Variants in ASPH observed in about 807,000 individuals in gnomAD.
The protein encoded by ASPH is aspartyl/asparaginyl beta-hydroxylase.
A neutral mutation model predicts 118.4 loss-of-function variants in ASPH; 100 were observed. That is an observed-to-expected ratio of 0.84 (90% CI 0.72 to 1.00). ASPH has a LOEUF of 1.00. Ranked by LOEUF, ASPH falls within the 50% of genes least tolerant of loss-of-function variation. The pLI is 0.00. For synonymous variants in ASPH, 315 were observed against 325.6 expected (o/e 0.97, Z 0.35); for missense variants, 920 against 919.5 (o/e 1.00, Z -0.01).
chr8:61,507,047 T>C (rs1806871618), intron 24 of ASPH, among the ~76,000 whole-genome samples: 3 of 152,192 alleles, frequency 2.0e-5, no homozygotes, highest in Admixed American at 2.0e-4. Context: ...CAAAATGACA[T>C]TTTTCACTAG....
At chr8:61,558,076 T>A (rs1488008444) in intron 18 of ASPH, among the ~76,000 whole-genome samples, 1 of 152,240 alleles carries the variant, frequency 6.6e-6, no homozygotes, top group African/African-American at 2.4e-5. Flanking sequence ...AGATATACTC[T>A]CTTTTCTCAG....
chr8:61,505,527 G>A (rs1004906497), intron 24 of ASPH, among the ~76,000 whole-genome samples: 2 of 146,672 alleles, frequency 1.4e-5, no homozygotes, highest in South Asian at 2.2e-4. Context: ...AGTGCCTTTT[G>A]CCTCCCACCA....
chr8:61,639,207 C>G (rs1000910446), intron 10 of ASPH, among the ~76,000 whole-genome samples: 3 of 152,138 alleles, frequency 2.0e-5, no homozygotes, highest in African/African-American at 7.2e-5. Context: ...CTTCTAAGAA[C>G]TTAAAAATGC....
At chr8:61,521,578 G>A (rs747011702) in intron 22 of ASPH, among the ~76,000 whole-genome samples, 1 of 152,172 alleles carries the variant, frequency 6.6e-6, no homozygotes, top group Non-Finnish European at 1.5e-5. Flanking sequence ...TGCATTGTAA[G>A]TTAGAAGGCA....
At chr8:61,676,453 TAAAG>T (rs1825430235) in intron 3 of ASPH, 2 of 814,824 alleles carry the variant, frequency 2.5e-6, no homozygotes, top group African/African-American at 3.5e-5. Flanking sequence ...ATTTGGAAAA[TAAAG>T]AAGTCCATTA....
At chr8:61,616,569 A>G (rs1211961312) in intron 14 of ASPH, among the ~76,000 whole-genome samples, 2 of 152,202 alleles carry the variant, frequency 1.3e-5, no homozygotes, top group African/African-American at 2.4e-5. Context: ...CGGTGTCCAC[A>G]GCATGAAGAA....
chr8:61,666,661 A>G (rs1438083415), intron 3 of ASPH, among the ~76,000 whole-genome samples: 2 of 152,194 alleles, frequency 1.3e-5, no homozygotes, highest in African/African-American at 2.4e-5. Flanking sequence ...ATCTTGATTA[A>G]CAAACAAAAA....
chr8:61,608,670 TAC>T (rs1389002837), intron 14 of ASPH, among the ~76,000 whole-genome samples: 1 of 152,234 alleles, frequency 6.6e-6, no homozygotes, highest in Non-Finnish European at 1.5e-5. Context: ...ATGGGCCTGA[TAC>T]ACAGACCAGA....
chr8:61,593,521 C>T (rs1336112846), intron 14 of ASPH, among the ~76,000 whole-genome samples: 2 of 152,122 alleles, frequency 1.3e-5, no homozygotes, highest in Non-Finnish European at 2.9e-5. Flanking sequence ...CTTATACAAC[C>T]CAGTAAATAG....
At chr8:61,615,586 C>T (rs2350622) in intron 14 of ASPH, among the ~76,000 whole-genome samples, 4,456 of 152,196 alleles carry the variant, frequency 0.029, 219 homozygotes, top group African/African-American at 0.1. Context: ...TGGATGAACA[C>T]GAATGACTGT....
At chr8:61,592,657 C>T (rs1841485581) in intron 14 of ASPH, among the ~76,000 whole-genome samples, 1 of 152,178 alleles carries the variant, frequency 6.6e-6, no homozygotes, top group South Asian at 2.1e-4. Flanking sequence ...GAAAAAGGTG[C>T]TCTGTATCTG....
At chr8:61,579,304 G>A (rs879065157) in intron 15 of ASPH, 38 of 1,614,056 alleles carry the variant, frequency 2.4e-5, no homozygotes, top group East Asian at 4.5e-5. Flanking sequence ...GCCCTGCAGC[G>A]GGCCAAGCAG....
intron 3 of ASPH, chr8:61,675,842 T>C: frequency 2.3e-6 from 3 of 1,328,776 alleles, no homozygotes; most frequent in East Asian, 5.5e-5. Flanking sequence ...TCAGTGTACT[T>C]TGTAGCTGAC....
At chr8:61,560,046 T>C (rs765409143) in intron 18 of ASPH, among the ~76,000 whole-genome samples, 36 of 152,198 alleles carry the variant, frequency 2.4e-4, no homozygotes, top group Non-Finnish European at 8.8e-5. Flanking sequence ...AATCAGAAGT[T>C]AAAATGAACA....
chr8:61,542,276 T>G (rs1822244869), intron 21 of ASPH, among the ~76,000 whole-genome samples: 1 of 152,230 alleles, frequency 6.6e-6, no homozygotes, highest in Non-Finnish European at 1.5e-5. Flanking sequence ...ATGTCCTTTT[T>G]GTTGCTGTTG....
intron 4 of ASPH, among the ~76,000 whole-genome samples, chr8:61,652,743 T>C (rs1287104235): frequency 6.6e-6 from 1 of 152,146 alleles, no homozygotes; most frequent in African/African-American, 2.4e-5. Flanking sequence ...ATTCTGGAGC[T>C]ATGGTATGAT....
chr8:61,542,849 T>C (rs893496427), intron 21 of ASPH, among the ~76,000 whole-genome samples: 1 of 152,176 alleles, frequency 6.6e-6, no homozygotes. Flanking sequence ...TTGCTAGATA[T>C]AGAATTCTTG....
intron 3 of ASPH, among the ~76,000 whole-genome samples, chr8:61,665,800 TA>T (rs1350216197): frequency 6.6e-6 from 1 of 152,144 alleles, no homozygotes; most frequent in Admixed American, 6.5e-5. Flanking sequence ...TATCAACTAT[TA>T]AAAAATGCTA....
chr8:61,523,990 G>A (rs1298067446), intron 22 of ASPH, among the ~76,000 whole-genome samples: 2 of 152,158 alleles, frequency 1.3e-5, no homozygotes, highest in Non-Finnish European at 2.9e-5. Context: ...TACTTGGGAG[G>A]AGAATTGCTT....
Sources: gnomAD v4.1 joint callset for allele counts (sites outside exome capture counted in the v4.1 genomes callset) on GRCh38, gnomAD v4.1.1 for gene constraint, MANE v1.5 for transcripts, NCBI Gene and HGNC (gene_info 2026-07-23, HGNC 2026-07-21) for gene names.